The following ZC3H12B variants were observed in gnomAD, a reference collection of about 807,000 sequenced individuals.
ZC3H12B encodes the protein probable ribonuclease ZC3H12B.
In ZC3H12B, 7 loss-of-function variants were observed where a neutral mutation model predicts 43.9. The ratio of observed to expected loss-of-function variants is 0.16; its 90% CI spans 0.09 to 0.30. The LOEUF is 0.30. Ranked by LOEUF, ZC3H12B falls within the 10% of genes least tolerant of loss-of-function variation. ZC3H12B has a pLI of 1.00. For synonymous variants in ZC3H12B, 222 were observed against 241.7 expected, an observed-to-expected ratio of 0.92 and a Z score of 0.76; for missense variants, 475 against 670.2, an observed-to-expected ratio of 0.71 and a Z score of 3.22.
rs7876511 is a variant in ZC3H12B, at chrX:65,408,234, C to A, written n.407+9530C>A. Reference sequence around the variant, plus strand: ...CTTAAATTGGAATGTGAGTAACCGGCAAGTGAAAAGACAGAAATGCAGAGG... The same window carrying A: ...CTTAAATTGGAATGTGAGTAACCGGAAAGTGAAAAGACAGAAATGCAGAGG... On this transcript the variant is annotated intron_variant and non_coding_transcript_variant, in intron 3 of 5. Coordinates refer to the ZC3H12B transcript ENST00000617377. 97 of 1,180,744 alleles carry A rather than the reference C, an allele frequency of 8.2e-5. No homozygotes were observed. In the African/African-American group the frequency reaches 1.6e-3, roughly 20 times the overall value.
intron 3 of ZC3H12B, among the ~76,000 whole-genome samples, chrX:65,441,900 C>T (rs1039932783): frequency 1.2e-4 from 13 of 110,349 alleles, no homozygotes; most frequent in Non-Finnish European, 2.1e-4. Context: ...GGACGGGCCC[C>T]TCATGGCGTT....
chrX:65,216,646 GTTCAC>G, the ZC3H12B span, among the ~76,000 whole-genome samples: 1 of 106,653 alleles, frequency 9.4e-6, no homozygotes, highest in Non-Finnish European at 1.9e-5. Flanking sequence ...TCACAGGAGT[GTTCAC>G]TTCACTCTTT....
chrX:65,244,171 A>G, the ZC3H12B span, among the ~76,000 whole-genome samples: 1 of 111,600 alleles, frequency 9.0e-6, no homozygotes, highest in South Asian at 3.8e-4. Flanking sequence ...GATGATAGCT[A>G]TCCCAGTTAC....
At chrX:65,292,167 T>G in the ZC3H12B span, among the ~76,000 whole-genome samples, 5 of 112,139 alleles carry the variant, frequency 4.5e-5, no homozygotes, top group Admixed American at 9.5e-5. Context: ...ATCAGTCGGT[T>G]TGATGTAATT....
At chrX:65,058,724 C>A in the ZC3H12B span, among the ~76,000 whole-genome samples, 2 of 111,923 alleles carry the variant, frequency 1.8e-5, no homozygotes, top group Non-Finnish European at 3.8e-5. Context: ...TGGGCTCCAC[C>A]CAGTTCAAGC....
At chrX:65,154,066 T>C in the ZC3H12B span, among the ~76,000 whole-genome samples, 1 of 109,854 alleles carries the variant, frequency 9.1e-6, no homozygotes, top group Non-Finnish European at 1.9e-5. Context: ...AATATCACAC[T>C]CTGGGGACTG....
chrX:65,048,986 A>G, the ZC3H12B span, among the ~76,000 whole-genome samples: 1 of 111,484 alleles, frequency 9.0e-6, no homozygotes, highest in Non-Finnish European at 1.9e-5. Flanking sequence ...TTGGAGAAAT[A>G]TCTATTCAAG....
At chrX:65,296,414 G>A in the ZC3H12B span, among the ~76,000 whole-genome samples, 31 of 110,723 alleles carry the variant, frequency 2.8e-4, no homozygotes, top group African/African-American at 5.6e-4. Flanking sequence ...ACACTGCTCA[G>A]GTGATGGGTG....
intron 3 of ZC3H12B, among the ~76,000 whole-genome samples, chrX:65,474,536 C>G (rs1265909448): frequency 8.9e-6 from 1 of 111,791 alleles, no homozygotes; most frequent in African/African-American, 3.2e-5. Flanking sequence ...TGAGTACTTA[C>G]TATTGCTATT....
At chrX:65,484,316 TATGTAACAAACCTGCAC>T (rs1178970137), upstream of ZC3H12B, among the ~76,000 whole-genome samples, 2 of 111,780 alleles carry the variant, frequency 1.8e-5, no homozygotes, top group East Asian at 5.6e-4. Flanking sequence ...CAAGTTTACT[TATGTAACAAACCTGCAC>T]ATGTAGCCCT....
At chrX:65,282,219 G>A in the ZC3H12B span, among the ~76,000 whole-genome samples, 5 of 111,090 alleles carry the variant, frequency 4.5e-5, no homozygotes, top group Non-Finnish European at 7.5e-5. Context: ...AGAAGGTGAG[G>A]TGGGATGATT....
At chrX:65,495,685 C>T (rs2068268785) in intron 1 of ZC3H12B, among the ~76,000 whole-genome samples, 2 of 111,862 alleles carry the variant, frequency 1.8e-5, no homozygotes, top group African/African-American at 6.5e-5. Flanking sequence ...GTAATTTTCA[C>T]AGCCAAACAA....
chrX:65,379,569 C>T (rs1025625314), intron 2 of ZC3H12B, among the ~76,000 whole-genome samples: 31 of 112,480 alleles, frequency 2.8e-4, no homozygotes, highest in South Asian at 7.3e-4. Flanking sequence ...TCCAAAGGAA[C>T]GCAGTTCCTC....
chrX:65,234,325 C>A, the ZC3H12B span, among the ~76,000 whole-genome samples: 1 of 111,932 alleles, frequency 8.9e-6, no homozygotes, highest in African/African-American at 3.2e-5. Flanking sequence ...ATGATAAAAA[C>A]TCTTTAAAGA....
chrX:65,158,991 G>A, the ZC3H12B span, among the ~76,000 whole-genome samples: 1 of 111,684 alleles, frequency 9.0e-6, no homozygotes, highest in Non-Finnish European at 1.9e-5. Context: ...TTCTACATAT[G>A]GCTAGCCAGT....
At chrX:65,100,597 G>C in the ZC3H12B span, among the ~76,000 whole-genome samples, 1 of 38,119 alleles carries the variant, frequency 2.6e-5, no homozygotes. Flanking sequence ...AAAAAAAACA[G>C]GGGTTACAAT....
At chrX:65,196,949 A>G in the ZC3H12B span, among the ~76,000 whole-genome samples, 1 of 112,010 alleles carries the variant, frequency 8.9e-6, no homozygotes, top group Non-Finnish European at 1.9e-5. Context: ...AAGAATGGCA[A>G]AGCGATCAGG....
chrX:65,107,580 T>C, the ZC3H12B span, among the ~76,000 whole-genome samples: 3 of 111,349 alleles, frequency 2.7e-5, no homozygotes, highest in African/African-American at 9.8e-5. Flanking sequence ...TCACCTTGAA[T>C]TGTAGTTCCC....
rs1237431383 is a variant in ZC3H12B at position 65,502,739 on chromosome X, C to T, written c.2041C>T (p.Pro681Ser). 1.7e-6 allele frequency: 2 copies of T among 1,210,752 alleles called. No homozygotes were observed. The highest frequency in any genetic ancestry group is 2.2e-5 in the Admixed American group (1 of 45,972). The change falls in exon 5 of 5, where the codon CCT becomes TCT. Residue 681 changes from proline to serine, a missense_variant. By Grantham distance (74) the Pro-to-Ser change is moderately conservative. Around this residue, in one of 3 missense-constraint regions of ZC3H12B, gnomAD observed 289 missense variants for 359.9 expected, o/e 0.80. Coordinates refer to ENST00000338957, the Ensembl canonical transcript of ZC3H12B. ...CAGCTGTCCTGCAGACTACCCCATG[C>T]CTCCCAATATCCATCCTGGGGCAAC...
Sources: gnomAD v4.1 joint callset for allele counts (sites outside exome capture counted in the v4.1 genomes callset) on GRCh38, gnomAD v4.1.1 for gene constraint, gnomAD v4.1.1 regional missense constraint, MANE v1.5 for transcripts, NCBI Gene and HGNC (gene_info 2026-07-23, HGNC 2026-07-21) for gene names.